Variants in GALNTL6 observed in about 807,000 individuals in gnomAD.
The protein encoded by GALNTL6 is polypeptide N-acetylgalactosaminyltransferase-like 6.
Under a neutral mutation model 73.7 loss-of-function variants are expected in GALNTL6, and 46 were observed. That is an observed-to-expected ratio of 0.62 (90% CI 0.49 to 0.80). The LOEUF (loss-of-function observed/expected upper bound fraction) is 0.80, where lower values mean the gene tolerates loss of function less well. Ranked by LOEUF, GALNTL6 falls within the 30% of genes least tolerant of loss-of-function variation. GALNTL6 has a pLI of 0.00. For missense variants in GALNTL6, 604 were observed against 755.0 expected (o/e 0.80, Z 2.34); for synonymous variants, 259 against 263.7 (o/e 0.98, Z 0.17).
intron 2 of GALNTL6, among the ~76,000 whole-genome samples, chr4:172,136,721 A>C (rs1030278452): frequency 6.6e-6 from 1 of 151,856 alleles, no homozygotes; most frequent in African/African-American, 2.4e-5. Flanking sequence ...GCATATAATT[A>C]TGCACAGCTC....
chr4:172,911,162 A>T (rs1016842978), intron 8 of GALNTL6, among the ~76,000 whole-genome samples: 1 of 152,218 alleles, frequency 6.6e-6, no homozygotes, highest in Non-Finnish European at 1.5e-5. Flanking sequence ...ATACTCCTAA[A>T]GTAGTTCATT....
At position 171,847,646 on chromosome 4, in the gene GALNTL6, C is replaced by T. The variant is rs538165301; in HGVS notation, c.138+32928C>T. 3.4e-4 allele frequency among the ~76,000 whole-genome samples: 52 copies of T among 152,260 alleles called. 1 individual carries two copies. Among genetic ancestry groups the T allele is most frequent in the African/African-American group, 1.2e-3 (50 of 41,552 alleles). On this transcript the variant is annotated intron_variant, in intron 2 of 12. Transcript: ENST00000506823. The stretch of plus-strand genomic sequence containing the variant: ...CTAAGTTTATGTAATAATCTAAATC[C>T]TTTGCTGATATTTCAACAATGTTCA...
chr4:172,422,624 C>G (rs1731090222), intron 5 of GALNTL6, among the ~76,000 whole-genome samples: 1 of 151,852 alleles, frequency 6.6e-6, no homozygotes, highest in African/African-American at 2.4e-5. Context: ...GACAGAGACT[C>G]CAAGACTTTT....
intron 5 of GALNTL6, among the ~76,000 whole-genome samples, chr4:172,736,629 A>T (rs968041301): frequency 6.6e-6 from 1 of 152,266 alleles, no homozygotes; most frequent in African/African-American, 2.4e-5. Context: ...ATAGGAAATT[A>T]TAAGAGTATT....
chr4:172,950,179 C>G (rs1029806548), intron 9 of GALNTL6, among the ~76,000 whole-genome samples: 1 of 152,088 alleles, frequency 6.6e-6, no homozygotes, highest in African/African-American at 2.4e-5. Flanking sequence ...GTGGCAAGGG[C>G]TAGAATATTA....
At chr4:171,838,419 A>G (rs966667125) in intron 2 of GALNTL6, among the ~76,000 whole-genome samples, 1 of 152,052 alleles carries the variant, frequency 6.6e-6, no homozygotes, top group Non-Finnish European at 1.5e-5. Flanking sequence ...CACCACGCCC[A>G]GCCTCTGTCT....
At chr4:171,946,859 T>C (rs1473875633) in intron 2 of GALNTL6, among the ~76,000 whole-genome samples, 1 of 151,148 alleles carries the variant, frequency 6.6e-6, no homozygotes, top group Non-Finnish European at 1.5e-5. Flanking sequence ...AACTCCAGAG[T>C]GTAGGGCAGA....
rs183633187 is a variant in GALNTL6, at chr4:172,424,520, A to G, written c.553+75831A>G. Among the ~76,000 whole-genome samples the G allele has an allele frequency of 8.1e-3, 1,236 of 152,236 alleles. 11 individuals carry two copies. The highest frequency in any genetic ancestry group is 0.028 in the African/African-American group (1,165 of 41,550). ...TTATAAAAAATAAATTAAAACTATAAAAACGATTTAAATGTAATAGAAATG... is the reference window on the plus strand; with the variant it reads ...TTATAAAAAATAAATTAAAACTATAGAAACGATTTAAATGTAATAGAAATG... On this transcript the variant is annotated intron_variant, in intron 5 of 12. Coordinates refer to ENST00000506823, the MANE Select transcript of GALNTL6 (RefSeq NM_001034845.3).
Position 171,942,313 on chromosome 4 carries a change from T to C in GALNTL6, c.138+127595T>C, listed in dbSNP as rs570024607. 5.4e-5 allele frequency among the ~76,000 whole-genome samples: 8 copies of C among 149,268 alleles called. No individual in the cohort carries two copies. The South Asian group carries it at 8.5e-4, about 16-fold the overall frequency. ...GACAGAGAAAAATGAGGGGAGGAGG[T>C]ATGCTACATGCATAACAGGAAGGTT... is the stretch of plus-strand genomic sequence containing the variant. On this transcript the variant is annotated intron_variant, in intron 2 of 12. Transcript: ENST00000506823.
intron 4 of GALNTL6, among the ~76,000 whole-genome samples, chr4:172,344,269 C>G (rs1280830738): frequency 6.6e-6 from 1 of 152,140 alleles, no homozygotes; most frequent in Non-Finnish European, 1.5e-5. Context: ...CTAAATAAAG[C>G]CCTGGATGTG....
At chr4:172,262,438 C>G (rs1738290103) in intron 3 of GALNTL6, among the ~76,000 whole-genome samples, 1 of 151,454 alleles carries the variant, frequency 6.6e-6, no homozygotes. Flanking sequence ...ATAAGAATAG[C>G]TACTCCTACT....
chr4:171,968,023 C>T (rs940671001), intron 2 of GALNTL6, among the ~76,000 whole-genome samples: 7 of 152,224 alleles, frequency 4.6e-5, no homozygotes, highest in East Asian at 3.9e-4. Context: ...GAGCCCGGTG[C>T]GATCTTCTTA....
chr4:172,299,813 A>G (rs986787931), intron 3 of GALNTL6, among the ~76,000 whole-genome samples: 4 of 152,020 alleles, frequency 2.6e-5, no homozygotes, highest in African/African-American at 9.7e-5. Flanking sequence ...TGGAATAGGT[A>G]TGGTGTGGTG....
chr4:171,932,340 T>C (rs1306846134), intron 2 of GALNTL6, among the ~76,000 whole-genome samples: 1 of 152,218 alleles, frequency 6.6e-6, no homozygotes, highest in African/African-American at 2.4e-5. Context: ...CGTGCCTTTT[T>C]TTCCGTAGTC....
At chr4:172,873,748 C>T (rs1370458427) in intron 7 of GALNTL6, among the ~76,000 whole-genome samples, 1 of 152,044 alleles carries the variant, frequency 6.6e-6, no homozygotes, top group Non-Finnish European at 1.5e-5. Context: ...TCCTCAGGTC[C>T]TGTTTTTTTG....
chr4:172,880,970 G>GT (rs938337812), intron 7 of GALNTL6, among the ~76,000 whole-genome samples: 2 of 152,128 alleles, frequency 1.3e-5, no homozygotes, highest in African/African-American at 4.8e-5. Context: ...CTCTAACACT[G>GT]TATCTATGGT....
chr4:172,225,827 A>G (rs547975561), intron 2 of GALNTL6, among the ~76,000 whole-genome samples: 5 of 152,264 alleles, frequency 3.3e-5, no homozygotes, highest in Admixed American at 6.5e-5. Context: ...GTTCCCAGGT[A>G]ATGCTGATGC....
intron 5 of GALNTL6, among the ~76,000 whole-genome samples, chr4:172,431,298 G>T (rs971928728): frequency 6.6e-6 from 1 of 152,056 alleles, no homozygotes; most frequent in Non-Finnish European, 1.5e-5. Context: ...GATGTCAAAC[G>T]CAGTGTCAGG....
At chr4:171,937,935 A>G (rs1045546844) in intron 2 of GALNTL6, among the ~76,000 whole-genome samples, 1 of 152,098 alleles carries the variant, frequency 6.6e-6, no homozygotes, top group Non-Finnish European at 1.5e-5. Flanking sequence ...AATTAGATGC[A>G]TTTTTGTGGC....
Sources: gnomAD v4.1 joint callset for allele counts (sites outside exome capture counted in the v4.1 genomes callset) on GRCh38, gnomAD v4.1.1 for gene constraint, MANE v1.5 for transcripts, NCBI Gene and HGNC (gene_info 2026-07-23, HGNC 2026-07-21) for gene names.